Variants in NCKAP5 observed in about 807,000 individuals in gnomAD.
The protein encoded by NCKAP5 is nck-associated protein 5.
Under a neutral mutation model 167.0 loss-of-function variants are expected in NCKAP5, and 92 were observed. The observed-to-expected ratio is 0.55, with a 90% CI of 0.47 to 0.66. NCKAP5 has a LOEUF of 0.66. Among genes scored for constraint, NCKAP5 ranks in the 30% least tolerant of loss-of-function variants. The pLI is 0.00. For missense variants in NCKAP5, 2,378 were observed against 2,315.0 expected, an observed-to-expected ratio of 1.03 and a Z score of -0.56; for synonymous variants, 891 against 877.4, an observed-to-expected ratio of 1.02 and a Z score of -0.27.
chr2:132,791,956 T>G (rs115664770), intron 12 of NCKAP5, among the ~76,000 whole-genome samples: 1,771 of 152,330 alleles, frequency 0.012, 13 homozygotes, highest in Non-Finnish European at 0.019. Context: ...TGGGGTAAGA[T>G]GACAGGAAAG....
At chr2:132,869,200 T>G (rs1690601201) in intron 9 of NCKAP5, among the ~76,000 whole-genome samples, 2 of 152,204 alleles carry the variant, frequency 1.3e-5, no homozygotes, top group Admixed American at 6.5e-5. Flanking sequence ...ATGGTTACAC[T>G]TAAAAGATCA....
At chr2:133,379,030 A>T (rs758423654) in intron 3 of NCKAP5, among the ~76,000 whole-genome samples, 21 of 152,248 alleles carry the variant, frequency 1.4e-4, no homozygotes, top group Admixed American at 2.6e-4. Context: ...TCCAGATAAC[A>T]TAACCATGCT....
chr2:132,951,640 A>G (rs1364611044), intron 8 of NCKAP5, among the ~76,000 whole-genome samples: 1 of 152,230 alleles, frequency 6.6e-6, no homozygotes, highest in African/African-American at 2.4e-5. Context: ...TGGATATTTT[A>G]CAGCATTTCA....
chr2:133,547,507 CT>C (rs1409454399), intron 2 of NCKAP5, among the ~76,000 whole-genome samples: 1 of 152,050 alleles, frequency 6.6e-6, no homozygotes, highest in Non-Finnish European at 1.5e-5. Context: ...AGCAGTGGTT[CT>C]CCCAGCATGC....
Position 132,747,185 on chromosome 2 carries a change from A to G in NCKAP5, c.5129-15134T>C, listed in dbSNP as rs558085336. The stretch of plus-strand genomic sequence containing the variant: ...ACTCAGCCTGCCAAAAAAAAAAAAC[A>G]AAACAAAGAAAACCAAAACTGAAAT... On this transcript the variant is annotated intron_variant, in intron 16 of 19. Transcript: ENST00000409261. Among the ~76,000 whole-genome samples, 25 of 149,298 alleles carry G rather than the reference A, an allele frequency of 1.7e-4. No homozygotes were observed. In the East Asian group the frequency reaches 3.6e-3, roughly 21 times the overall value.
chr2:133,034,383 T>C (rs1003334798), intron 6 of NCKAP5, among the ~76,000 whole-genome samples: 3 of 151,952 alleles, frequency 2.0e-5, no homozygotes, highest in Non-Finnish European at 4.4e-5. Flanking sequence ...ACTTCAGTCA[T>C]AAAGAAAAGA....
chr2:133,108,483 A>G (rs1484378047), intron 6 of NCKAP5, among the ~76,000 whole-genome samples: 2 of 152,248 alleles, frequency 1.3e-5, no homozygotes, highest in Non-Finnish European at 2.9e-5. Context: ...GAATAAATGA[A>G]TGAATGAAAA....
chr2:133,177,761 A>G (rs1215834556), intron 5 of NCKAP5, among the ~76,000 whole-genome samples: 1 of 152,192 alleles, frequency 6.6e-6, no homozygotes, highest in African/African-American at 2.4e-5. Flanking sequence ...CATCACTGCC[A>G]GGTGGTAATG....
chr2:133,111,110 T>A (rs1256195912), intron 6 of NCKAP5, among the ~76,000 whole-genome samples: 7 of 152,036 alleles, frequency 4.6e-5, no homozygotes, highest in Admixed American at 2.6e-4. Context: ...ACATCAGGGG[T>A]TAGGGGTCGA....
intron 8 of NCKAP5, among the ~76,000 whole-genome samples, chr2:132,903,784 G>A (rs1246754342): frequency 6.6e-6 from 1 of 152,142 alleles, no homozygotes; most frequent in Admixed American, 6.5e-5. Flanking sequence ...TTCAAAACTA[G>A]TAAGAGTTTA....
At chr2:132,940,437 C>A (rs537685938) in intron 8 of NCKAP5, among the ~76,000 whole-genome samples, 1 of 152,240 alleles carries the variant, frequency 6.6e-6, no homozygotes, top group Non-Finnish European at 1.5e-5. Flanking sequence ...GGGGTATTTA[C>A]ACTTAAAACA....
intron 7 of NCKAP5, among the ~76,000 whole-genome samples, 188 bp downstream of exon 7, chr2:132,993,964 G>A (rs1432571425): frequency 6.6e-6 from 1 of 152,220 alleles, no homozygotes; most frequent in East Asian, 1.9e-4. Flanking sequence ...TTCACAGTAG[G>A]AGTTTATGAA....
At chr2:133,031,322 A>G (rs2078872393) in intron 6 of NCKAP5, among the ~76,000 whole-genome samples, 1 of 152,082 alleles carries the variant, frequency 6.6e-6, no homozygotes, top group South Asian at 2.1e-4. Context: ...ATTGTGAAGC[A>G]TCAAATTCAG....
intron 7 of NCKAP5, among the ~76,000 whole-genome samples, chr2:132,987,032 G>A (rs2077309129): frequency 6.6e-6 from 1 of 152,146 alleles, no homozygotes; most frequent in Non-Finnish European, 1.5e-5. Context: ...GTTGCCAGGT[G>A]GAGGTTGCTA....
At chr2:133,370,530 C>T (rs1685734861) in intron 3 of NCKAP5, among the ~76,000 whole-genome samples, 1 of 152,052 alleles carries the variant, frequency 6.6e-6, no homozygotes, top group Non-Finnish European at 1.5e-5. Flanking sequence ...GATAAATTGC[C>T]AGATTCCATT....
intron 3 of NCKAP5, among the ~76,000 whole-genome samples, chr2:133,499,801 G>T (rs988908893): frequency 6.6e-6 from 1 of 152,038 alleles, no homozygotes; most frequent in Non-Finnish European, 1.5e-5. Context: ...CTCATGATCC[G>T]CCCACCTCGG....
Position 133,130,110 on chromosome 2 carries a change from T to C in NCKAP5, c.209A>G (p.His70Arg), listed in dbSNP as rs1477613989. ...VAQRTSEGAM[H>R]EKLIHELEEE... The stretch of plus-strand genomic sequence containing the variant: ...TTCCAGTTCATGTATCAGCTTCTCA[T>C]GCTATAAAAGACACAAAGGGGATGA... Residue 70 changes from histidine (H) to arginine (R), a missense_variant and splice_region_variant, in exon 6 of 20, where the codon CAT becomes CGT. His to Arg is a conservative substitution (Grantham distance 29). Transcript: ENST00000409261. The C allele has an allele frequency of 2.5e-5, 41 of 1,608,038 alleles. No individual in the cohort carries two copies. Among genetic ancestry groups the C allele is most frequent in the Non-Finnish European group, 3.5e-5 (41 of 1,178,332 alleles).
At chr2:132,731,667 C>T (rs1691018862) in intron 17 of NCKAP5, 70 bp downstream of exon 17, 2 of 1,480,448 alleles carry the variant, frequency 1.4e-6, no homozygotes, top group East Asian at 4.6e-5. Context: ...ACTTACTCAT[C>T]TCCTGGTGAA....
intron 6 of NCKAP5, among the ~76,000 whole-genome samples, chr2:133,046,464 G>A (rs1025048434): frequency 6.6e-6 from 1 of 151,858 alleles, no homozygotes; most frequent in African/African-American, 2.4e-5. Context: ...CTACACCCTC[G>A]ACCTCTCCAG....
Sources: allele counts gnomAD v4.1 joint callset (sites outside exome capture counted in the v4.1 genomes callset), GRCh38; gene constraint gnomAD v4.1.1; transcripts MANE v1.5; gene names NCBI Gene and HGNC (gene_info 2026-07-23, HGNC 2026-07-21).